The following IGSF23 variants were observed in gnomAD, a reference collection of about 807,000 sequenced individuals.
IGSF23 encodes immunoglobulin superfamily, member 23.
A neutral mutation model predicts 17.8 loss-of-function variants in IGSF23; 14 were observed. The observed-to-expected ratio is 0.79, with a 90% CI of 0.52 to 1.23. The LOEUF (loss-of-function observed/expected upper bound fraction) is 1.23, where lower values mean the gene tolerates loss of function less well. IGSF23 is among the 50% of genes most tolerant of loss of function. IGSF23 has a pLI of 0.00. For missense variants in IGSF23, 214 were observed against 241.7 expected (o/e 0.89, Z 0.76); for synonymous variants, 85 against 92.5 (o/e 0.92, Z 0.46).
At chr19:44,634,614 G>A (rs935830288) in intron 3 of IGSF23, among the ~76,000 whole-genome samples, 22 of 152,052 alleles carry the variant, frequency 1.4e-4, no homozygotes, top group Admixed American at 1.1e-3. Flanking sequence ...TTCGCCCAGC[G>A]TCCTCCAGAA....
chr19:44,623,206 G>A (rs990501704), intron 1 of IGSF23, among the ~76,000 whole-genome samples: 7 of 152,188 alleles, frequency 4.6e-5, no homozygotes, highest in African/African-American at 1.7e-4. Context: ...CAAGGAACTC[G>A]AGAGTGGGGA....
rs1172495073 is a variant in IGSF23 at position 44,627,427 on chromosome 19, C to G, written c.399C>G (p.Ile133Met). The change falls in exon 3 of 5, where the codon ATC (isoleucine) becomes ATG (methionine). Residue 133 changes from isoleucine to methionine, a missense_variant. Physicochemically the swap from Ile to Met is conservative, Grantham distance 10. Transcript: ENST00000402988. ...CCCCTCCTTGGTCCCCAGAACCCAT[C>G]ATGCAGCCCACAGAAGCAGAGCCCA... ...EPVTISLPKP[I>M]MQPTEAEPME... The G allele has an allele frequency of 6.5e-7, 1 of 1,538,260 alleles. No homozygotes were observed. The highest frequency in any genetic ancestry group is 8.8e-7 in the Non-Finnish European group (1 of 1,138,018).
intron 1 of IGSF23, chr19:44,618,238 C>G (rs1328162999): frequency 2.1e-6 from 1 of 469,826 alleles, no homozygotes; most frequent in African/African-American, 2.0e-5. Context: ...GCCCAGCCAG[C>G]AGCCATGATA....
chr19:44,613,567 C>T lies in IGSF23; in HGVS notation c.-79C>T. ...CTACCAGGTTGACCTTTGGCCATTC[C>T]TTGCCTTTGATGTGAGTGATAGGAG... On this transcript the variant is annotated 5_prime_UTR_variant, in exon 1 of 5. Transcript: ENST00000402988. 1.4e-6 allele frequency: 2 copies of T among 1,459,110 alleles called. No individual in the cohort carries two copies. The highest frequency in any genetic ancestry group is 9.1e-7 in the Non-Finnish European group (1 of 1,095,426). The allele number at this position is 1,459,110 out of a possible 1,614,324, so 90.4% of individuals were successfully genotyped here.
At chr19:44,620,341 TTGTG>T (rs373422531) in intron 1 of IGSF23, among the ~76,000 whole-genome samples, 14,474 of 139,218 alleles carry the variant, frequency 0.1, 851 homozygotes, top group Admixed American at 0.2. Flanking sequence ...ATGACTAATT[TTGTG>T]TGTGTGTGTG....
At chr19:44,624,458 T>C (rs889695703) in intron 2 of IGSF23, among the ~76,000 whole-genome samples, 9 of 151,880 alleles carry the variant, frequency 5.9e-5, no homozygotes, top group Non-Finnish European at 1.2e-4. Context: ...CCTATTTTTG[T>C]ATTTTTAGGA....
At chr19:44,634,295 C>T (rs189488918) in intron 3 of IGSF23, among the ~76,000 whole-genome samples, 1 of 152,326 alleles carries the variant, frequency 6.6e-6, no homozygotes, top group Non-Finnish European at 1.5e-5. Context: ...CCAGTGTTTT[C>T]CTTTTTTACA....
chr19:44,626,456 C>A (rs2123722508), intron 2 of IGSF23, among the ~76,000 whole-genome samples: 1 of 152,334 alleles, frequency 6.6e-6, no homozygotes, highest in African/African-American at 2.4e-5. Flanking sequence ...ACAGCTGCAG[C>A]CCTGCCTTCA....
chr19:44,616,709 AAAG>A (rs1381841933), intron 1 of IGSF23, among the ~76,000 whole-genome samples: 5 of 151,558 alleles, frequency 3.3e-5, no homozygotes, highest in South Asian at 2.1e-4. Context: ...AAAAAAAAAA[AAAG>A]AAGAAGGAAA....
At chr19:44,622,458 C>T (rs753652898) in intron 1 of IGSF23, among the ~76,000 whole-genome samples, 8 of 152,178 alleles carry the variant, frequency 5.3e-5, no homozygotes, top group African/African-American at 1.4e-4. Flanking sequence ...TACTAGACCA[C>T]GAAGCCTGGC....
intron 1 of IGSF23, among the ~76,000 whole-genome samples, chr19:44,618,396 C>T (rs1388732832): frequency 6.6e-6 from 1 of 152,112 alleles, no homozygotes; most frequent in African/African-American, 2.4e-5. Context: ...AGGAGTGTGA[C>T]GGAGCAGATC....
intron 1 of IGSF23, among the ~76,000 whole-genome samples, chr19:44,622,208 GAAA>G (rs1250112959): frequency 3.5e-5 from 4 of 113,790 alleles, no homozygotes; most frequent in Admixed American, 9.2e-5. Flanking sequence ...TCCGTTTCAA[GAAA>G]AAAAAAAAAA....
At chr19:44,613,919 G>A (rs1195633541) in intron 1 of IGSF23, 149 bp downstream of exon 1, 1 of 1,547,954 alleles carries the variant, frequency 6.5e-7, no homozygotes, top group African/African-American at 1.4e-5. Context: ...TCCCTGGACA[G>A]AACACGAGAT....
intron 2 of IGSF23, among the ~76,000 whole-genome samples, chr19:44,624,840 T>A (rs1343751110): frequency 2.1e-5 from 3 of 141,238 alleles, no homozygotes; most frequent in African/African-American, 8.2e-5. Context: ...GGCAGGAGGA[T>A]CACTTGAGCC....
intron 1 of IGSF23, among the ~76,000 whole-genome samples, chr19:44,614,853 GC>G (rs1434007545): frequency 1.3e-5 from 2 of 152,146 alleles, no homozygotes; most frequent in Non-Finnish European, 2.9e-5. Flanking sequence ...GAGGTCATGT[GC>G]CCTCTCCAGG....
At chr19:44,615,730 G>T (rs1333660249) in intron 1 of IGSF23, among the ~76,000 whole-genome samples, 1 of 151,958 alleles carries the variant, frequency 6.6e-6, no homozygotes, top group Non-Finnish European at 1.5e-5. Flanking sequence ...CACACTGGAA[G>T]GAGGAAAGGG....
intron 2 of IGSF23, among the ~76,000 whole-genome samples, chr19:44,624,504 C>T (rs1022228139): frequency 5.9e-5 from 9 of 151,868 alleles, no homozygotes; most frequent in South Asian, 2.1e-4. Flanking sequence ...AGGCTGGTCT[C>T]GAACTCCTGG....
chr19:44,636,234 T>G (rs1972885617), intron 4 of IGSF23, among the ~76,000 whole-genome samples, 185 bp from the exon 5 acceptor site: 2 of 152,154 alleles, frequency 1.3e-5, no homozygotes. Context: ...ATGGGGAAGT[T>G]GACTCCACCT....
chr19:44,633,832 T>C (rs1347067766), intron 3 of IGSF23, among the ~76,000 whole-genome samples: 1 of 152,250 alleles, frequency 6.6e-6, no homozygotes. Flanking sequence ...CCTGTTCATT[T>C]AATTTCACTT....
Sources: gnomAD v4.1 joint callset for allele counts (sites outside exome capture counted in the v4.1 genomes callset) on GRCh38, gnomAD v4.1.1 for gene constraint, MANE v1.5 for transcripts, NCBI Gene and HGNC (gene_info 2026-07-23, HGNC 2026-07-21) for gene names.